Variants in DLGAP4 observed in about 807,000 individuals in gnomAD.
DLGAP4 encodes disks large-associated protein 4.
Under a neutral mutation model 86.9 loss-of-function variants are expected in DLGAP4, and 18 were observed. That is an observed-to-expected ratio of 0.21 (90% CI 0.14 to 0.31). The LOEUF is 0.31. Ranked by LOEUF, DLGAP4 falls within the 10% of genes least tolerant of loss-of-function variation. The probability of loss-of-function intolerance (pLI) is 1.00; values close to 1 mark genes in which losing one functional copy is unlikely to be tolerated. For synonymous variants in DLGAP4, 548 were observed against 574.3 expected (o/e 0.95, Z 0.65); for missense variants, 1,085 against 1,362.6 (o/e 0.80, Z 3.21).
At chr20:36,513,330 T>C (rs910540934) in intron 10 of DLGAP4, among the ~76,000 whole-genome samples, 8 of 150,246 alleles carry the variant, frequency 5.3e-5, no homozygotes, top group Non-Finnish European at 1.0e-4. Context: ...GGGTGGATCA[T>C]GAGGTCAGGA....
At chr20:36,505,734 G>C (rs2036334868) in intron 10 of DLGAP4, among the ~76,000 whole-genome samples, 1 of 152,142 alleles carries the variant, frequency 6.6e-6, no homozygotes, top group Non-Finnish European at 1.5e-5. Context: ...AGCCAAGATT[G>C]GGCCACTGCA....
At chr20:36,471,126 G>GT (rs144137618) in intron 7 of DLGAP4, among the ~76,000 whole-genome samples, 1,764 of 152,240 alleles carry the variant, frequency 0.012, 32 homozygotes, top group African/African-American at 0.04. Flanking sequence ...ATTCAAATTT[G>GT]TTTCCTCCAT....
chr20:36,503,862 A>T (rs2036252516), intron 10 of DLGAP4, among the ~76,000 whole-genome samples: 1 of 152,144 alleles, frequency 6.6e-6, no homozygotes, highest in African/African-American at 2.4e-5. Flanking sequence ...GTTGTAGCAT[A>T]TGCCAGTATT....
chr20:36,461,839 C>A, intron 7 of DLGAP4: 1 of 983,246 alleles, frequency 1.0e-6, no homozygotes, highest in African/African-American at 1.8e-5. Context: ...TGTCTCTCCC[C>A]GGCTCGCTGT....
At chr20:36,518,986 G>A (rs2037202727) in intron 10 of DLGAP4, among the ~76,000 whole-genome samples, 1 of 151,794 alleles carries the variant, frequency 6.6e-6, no homozygotes, top group Non-Finnish European at 1.5e-5. Context: ...GTGTGGTGGT[G>A]CGCGCCTGTA....
At chr20:36,344,031 CA>C (rs2065411428) in intron 1 of DLGAP4, among the ~76,000 whole-genome samples, 1 of 152,172 alleles carries the variant, frequency 6.6e-6, no homozygotes, top group Non-Finnish European at 1.5e-5. Flanking sequence ...GGGAGCCTAG[CA>C]TAGACCATCA....
intron 1 of DLGAP4, among the ~76,000 whole-genome samples, chr20:36,307,501 C>T (rs1555889596): frequency 6.6e-6 from 1 of 152,152 alleles, no homozygotes; most frequent in East Asian, 1.9e-4. Context: ...CTGTCAGAGA[C>T]TGTTGATGTG....
chr20:36,430,903 C>T (rs1397405146), intron 2 of DLGAP4, among the ~76,000 whole-genome samples: 4 of 150,626 alleles, frequency 2.7e-5, no homozygotes, highest in Non-Finnish European at 4.4e-5. Context: ...TGCAGTGAGC[C>T]AGGATCACAC....
At chr20:36,461,716 T>G in intron 7 of DLGAP4, 2 of 769,606 alleles carry the variant, frequency 2.6e-6, no homozygotes, top group Non-Finnish European at 2.9e-6. Flanking sequence ...CTCCTCCTCC[T>G]CCTCCTCCCC....
intron 7 of DLGAP4, among the ~76,000 whole-genome samples, chr20:36,464,533 G>T (rs914321988): frequency 6.6e-6 from 1 of 152,038 alleles, no homozygotes; most frequent in East Asian, 1.9e-4. Context: ...TCATGCCACT[G>T]CACTCCAGCC....
intron 7 of DLGAP4, among the ~76,000 whole-genome samples, chr20:36,490,790 G>A (rs2035627688): frequency 6.6e-6 from 1 of 152,188 alleles, no homozygotes; most frequent in Admixed American, 6.5e-5. Context: ...CACATGCAGG[G>A]GGCTAGCTTC....
At chr20:36,462,390 ACTC>A in intron 7 of DLGAP4, 1 of 1,363,968 alleles carries the variant, frequency 7.3e-7, no homozygotes, top group South Asian at 1.8e-5. Flanking sequence ...TGGTCTCGCC[ACTC>A]TGTGCCTCTT....
intron 8 of DLGAP4, chr20:36,497,344 T>G: frequency 7.7e-7 from 1 of 1,297,448 alleles, no homozygotes; most frequent in Non-Finnish European, 9.8e-7. Context: ...AGCCATCTCC[T>G]GTCCACTGTT....
chr20:36,400,186 T>C (rs902753393), intron 2 of DLGAP4, among the ~76,000 whole-genome samples: 4 of 152,240 alleles, frequency 2.6e-5, no homozygotes, highest in African/African-American at 9.6e-5. Flanking sequence ...CTGTCATGAA[T>C]GCCAAAGAAA....
At chr20:36,519,728 ATC>A (rs1429202994) in intron 10 of DLGAP4, among the ~76,000 whole-genome samples, 1 of 152,142 alleles carries the variant, frequency 6.6e-6, no homozygotes, top group Non-Finnish European at 1.5e-5. Flanking sequence ...CAGGGTTCCA[ATC>A]TCTCCACATC....
At position 36,332,722 on chromosome 20, in the gene DLGAP4, TG is replaced by T. The variant is rs1555891694; in HGVS notation, c.-304+26212del. Among the ~76,000 whole-genome samples the T allele has an allele frequency of 5.9e-5, 9 of 152,180 alleles. No individual in the cohort carries two copies. In the South Asian group the frequency reaches 1.9e-3, roughly 32 times the overall value. ...TGCCCCCATTTCACAGGTGAGGAAG[TG>T]GAGACTCAGAGGGGAAAGGAGTTGC... On this transcript the variant is annotated intron_variant, in intron 1 of 12. Transcript: ENST00000339266.
At chr20:36,518,635 ATTAG>A (rs937950109) in intron 10 of DLGAP4, among the ~76,000 whole-genome samples, 2 of 152,074 alleles carry the variant, frequency 1.3e-5, no homozygotes, top group Admixed American at 6.6e-5. Context: ...ATGGGAGTTT[ATTAG>A]TTATGTTTTC....
At chr20:36,329,906 C>G (rs1211407820) in intron 1 of DLGAP4, among the ~76,000 whole-genome samples, 2 of 152,070 alleles carry the variant, frequency 1.3e-5, no homozygotes, top group Admixed American at 6.6e-5. Context: ...TGGCAGATGC[C>G]TGTAATCTCA....
chr20:36,374,567 G>A (rs980865059), intron 2 of DLGAP4, among the ~76,000 whole-genome samples: 2 of 152,212 alleles, frequency 1.3e-5, no homozygotes, highest in Non-Finnish European at 2.9e-5. Flanking sequence ...TGGGATGAAG[G>A]AAGTGTCAGT....
Sources: gnomAD v4.1 joint callset for allele counts (sites outside exome capture counted in the v4.1 genomes callset) on GRCh38, gnomAD v4.1.1 for gene constraint, MANE v1.5 for transcripts, NCBI Gene and HGNC (gene_info 2026-07-23, HGNC 2026-07-21) for gene names.